KCNK1: variants seen among roughly 807,000 people sequenced by gnomAD.
The protein encoded by KCNK1 is potassium channel subfamily K member 1.
KCNK1 carries 10 observed loss-of-function variants against 22.2 expected under a neutral mutation model. The observed-to-expected ratio is 0.45, with a 90% CI of 0.28 to 0.76. The LOEUF is 0.76. Ranked by LOEUF, KCNK1 falls within the 30% of genes least tolerant of loss-of-function variation. The probability of loss-of-function intolerance (pLI) is 0.14; values close to 1 mark genes in which losing one functional copy is unlikely to be tolerated. For missense variants in KCNK1, 378 were observed against 421.0 expected, an observed-to-expected ratio of 0.90 and a Z score of 0.89; for synonymous variants, 200 against 186.4, an observed-to-expected ratio of 1.07 and a Z score of -0.60.
chr1:233,659,483 G>A (rs926279053), intron 1 of KCNK1, among the ~76,000 whole-genome samples: 1 of 150,306 alleles, frequency 6.7e-6, no homozygotes, highest in Non-Finnish European at 1.5e-5. Flanking sequence ...TCCTGTAGAA[G>A]GAATACAATC....
chr1:233,644,714 A>G (rs1337621744), intron 1 of KCNK1, among the ~76,000 whole-genome samples: 2 of 152,114 alleles, frequency 1.3e-5, no homozygotes, highest in Non-Finnish European at 2.9e-5. Flanking sequence ...TAGGATCTCA[A>G]GCTTTTTGAA....
chr1:233,645,290 G>A (rs1658072875), intron 1 of KCNK1, among the ~76,000 whole-genome samples: 1 of 152,246 alleles, frequency 6.6e-6, no homozygotes, highest in African/African-American at 2.4e-5. Flanking sequence ...AAAGATGGGT[G>A]CATACCCTAA....
intron 1 of KCNK1, among the ~76,000 whole-genome samples, chr1:233,630,137 T>A (rs1341234601): frequency 6.6e-6 from 1 of 152,130 alleles, no homozygotes; most frequent in Admixed American, 6.5e-5. Context: ...AAATGATGAG[T>A]AACCTCTCAA....
chr1:233,639,926 G>A (rs955903765), intron 1 of KCNK1, among the ~76,000 whole-genome samples: 1 of 152,190 alleles, frequency 6.6e-6, no homozygotes, highest in Non-Finnish European at 1.5e-5. Flanking sequence ...GGCAGTTGGT[G>A]GTCTGGGGCA....
At chr1:233,633,481 A>G (rs1042860308) in intron 1 of KCNK1, among the ~76,000 whole-genome samples, 4 of 152,160 alleles carry the variant, frequency 2.6e-5, no homozygotes, top group African/African-American at 9.7e-5. Flanking sequence ...ATCTGAGAAT[A>G]TGTGATTTCA....
chr1:233,638,721 A>G (rs962289686), intron 1 of KCNK1, among the ~76,000 whole-genome samples: 1 of 152,194 alleles, frequency 6.6e-6, no homozygotes, highest in African/African-American at 2.4e-5. Context: ...ACAGCATGTG[A>G]TGAGCACTCC....
intron 1 of KCNK1, among the ~76,000 whole-genome samples, chr1:233,632,182 G>A (rs1657809656): frequency 6.6e-6 from 1 of 152,102 alleles, no homozygotes; most frequent in Admixed American, 6.6e-5. Flanking sequence ...CTCAGCTCAG[G>A]GAACTCTCTC....
chr1:233,620,910 A>G (rs1488018251), intron 1 of KCNK1, among the ~76,000 whole-genome samples: 1 of 152,240 alleles, frequency 6.6e-6, no homozygotes, highest in African/African-American at 2.4e-5. Flanking sequence ...GTTTACACAT[A>G]TTCATTTCCA....
chr1:233,664,417 C>T (rs569021611), intron 1 of KCNK1, among the ~76,000 whole-genome samples: 27 of 152,302 alleles, frequency 1.8e-4, no homozygotes, highest in Middle Eastern at 3.4e-3. Context: ...CCAACTTGCC[C>T]ATTTCCCTCT....
At position 233,671,501 on chromosome 1, in the gene KCNK1, G is replaced by T; in HGVS notation, c.982G>T (p.Ala328Ser). Residue 328 changes from alanine (A) to serine (S), a missense_variant, in exon 3 of 3, where the codon GCC becomes TCC. By Grantham distance (99) the Ala-to-Ser change is moderately conservative. Transcript: ENST00000366621. Reference sequence around the variant, plus strand: ...GCCTTTTGTGGCCACCCAGTCATCTGCCTGCGTGGATGGCCCTGCAAACCA... The same window carrying T: ...GCCTTTTGTGGCCACCCAGTCATCTTCCTGCGTGGATGGCCCTGCAAACCA... ...NEPFVATQSS[A>S]CVDGPANH 1 of 1,614,170 alleles carries T rather than the reference G, an allele frequency of 6.2e-7. No individual in the cohort carries two copies. Among genetic ancestry groups the T allele is most frequent in the Non-Finnish European group, 8.5e-7 (1 of 1,180,042 alleles).
chr1:233,667,686 C>T (rs1197929281), intron 2 of KCNK1, among the ~76,000 whole-genome samples: 2 of 143,764 alleles, frequency 1.4e-5, no homozygotes, highest in African/African-American at 2.6e-5. Context: ...GCCGAGATCG[C>T]GCCACTGCAC....
intron 1 of KCNK1, among the ~76,000 whole-genome samples, chr1:233,622,104 C>T (rs945897903): frequency 2.0e-5 from 3 of 152,206 alleles, no homozygotes; most frequent in African/African-American, 7.2e-5. Context: ...AACTCCGGTG[C>T]TTTGAGAACA....
chr1:233,670,359 C>T (rs756357660), intron 2 of KCNK1, among the ~76,000 whole-genome samples: 1 of 152,098 alleles, frequency 6.6e-6, no homozygotes, highest in African/African-American at 2.4e-5. Flanking sequence ...GCACAAGGAC[C>T]TATTTAATAT....
chr1:233,670,357 A>G (rs1658575971), intron 2 of KCNK1, among the ~76,000 whole-genome samples: 1 of 152,096 alleles, frequency 6.6e-6, no homozygotes, highest in Non-Finnish European at 1.5e-5. Context: ...ATGCACAAGG[A>G]CCTATTTAAT....
chr1:233,622,194 C>G (rs1325026291), intron 1 of KCNK1, among the ~76,000 whole-genome samples: 4 of 152,166 alleles, frequency 2.6e-5, no homozygotes, highest in Non-Finnish European at 5.9e-5. Context: ...ATTGCCGACA[C>G]TCAATTGTTT....
intron 1 of KCNK1, among the ~76,000 whole-genome samples, chr1:233,662,264 T>TCC (rs1558119267): frequency 7.2e-6 from 1 of 139,278 alleles, no homozygotes; most frequent in East Asian, 2.4e-4. Context: ...CTTCTTCTTC[T>TCC]TCTTCTTCTC....
chr1:233,615,738 C>G (rs773868823), intron 1 of KCNK1, among the ~76,000 whole-genome samples: 1 of 151,612 alleles, frequency 6.6e-6, no homozygotes, highest in African/African-American at 2.4e-5. Flanking sequence ...TCCCCACCCC[C>G]CTCCACCACC....
At chr1:233,643,699 A>G (rs1049157688) in intron 1 of KCNK1, among the ~76,000 whole-genome samples, 3 of 152,128 alleles carry the variant, frequency 2.0e-5, no homozygotes, top group Non-Finnish European at 4.4e-5. Flanking sequence ...TACTTAGTGC[A>G]TGAATGTGGT....
Position 233,672,119 on chromosome 1 carries a change from G to A in KCNK1, c.*589G>A, listed in dbSNP as rs578246021. Reference sequence around the variant, plus strand: ...ATATGGTTTAGGTCACCAGATCCTAGTGTAGTTCTGAAACTAAGACTATAG... The same window carrying A: ...ATATGGTTTAGGTCACCAGATCCTAATGTAGTTCTGAAACTAAGACTATAG... On this transcript the variant is annotated 3_prime_UTR_variant, in exon 3 of 3. Coordinates refer to ENST00000366621, the MANE Select transcript of KCNK1 (RefSeq NM_002245.4). 1.3e-5 allele frequency: 2 copies of A among 151,238 alleles called. No individual in the cohort carries two copies. Among genetic ancestry groups the A allele is most frequent in the Admixed American group, 6.6e-5 (1 of 15,122 alleles). The allele number at this position is 151,238 out of a possible 1,614,324, so 9.4% of individuals were successfully genotyped here.
Sources: gnomAD v4.1 joint callset for allele counts (sites outside exome capture counted in the v4.1 genomes callset) on GRCh38, gnomAD v4.1.1 for gene constraint, MANE v1.5 for transcripts, NCBI Gene and HGNC (gene_info 2026-07-23, HGNC 2026-07-21) for gene names.